CCDC88A: variants seen among roughly 807,000 people sequenced by gnomAD.
The protein encoded by CCDC88A is girdin.
CCDC88A carries 54 observed loss-of-function variants against 234.3 expected under a neutral mutation model. That is an observed-to-expected ratio of 0.23 (90% CI 0.19 to 0.29). The LOEUF (loss-of-function observed/expected upper bound fraction) is 0.29, where lower values mean the gene tolerates loss of function less well. Among genes scored for constraint, CCDC88A ranks in the 10% least tolerant of loss-of-function variants. The pLI is 1.00. For synonymous variants in CCDC88A, 753 were observed against 737.8 expected (o/e 1.02, Z -0.33); for missense variants, 1,832 against 2,123.4 (o/e 0.86, Z 2.70).
At chr2:55,336,340 T>C (rs1466910566) in intron 14 of CCDC88A, among the ~76,000 whole-genome samples, 3 of 152,170 alleles carry the variant, frequency 2.0e-5, no homozygotes, top group Admixed American at 6.6e-5. Context: ...TCTCCCTCTT[T>C]GGTAGGTCAG....
chr2:55,390,437 T>C (rs528517163), intron 2 of CCDC88A, among the ~76,000 whole-genome samples: 5 of 152,138 alleles, frequency 3.3e-5, no homozygotes, highest in African/African-American at 1.2e-4. Flanking sequence ...ACATTCTTAA[T>C]CCCCAACCTT....
chr2:55,303,916 A>C (rs1681208437), intron 25 of CCDC88A, among the ~76,000 whole-genome samples: 1 of 152,202 alleles, frequency 6.6e-6, no homozygotes, highest in African/African-American at 2.4e-5. Flanking sequence ...ATTTTGGAAA[A>C]CAAAAATAAC....
chr2:55,362,493 A>C, intron 6 of CCDC88A, 45 bp from the exon 7 acceptor site: 1 of 1,549,670 alleles, frequency 6.5e-7, no homozygotes, highest in Non-Finnish European at 8.7e-7. Context: ...AGTGGCTAAT[A>C]CTTAAAAATC....
chr2:55,299,850 T>C lies in CCDC88A; in HGVS notation c.4814A>G (p.His1605Arg). 1 of 1,609,244 alleles carries C rather than the reference T, an allele frequency of 6.2e-7. No homozygotes were observed. Among genetic ancestry groups the C allele is most frequent in the Non-Finnish European group, 8.5e-7 (1 of 1,175,698 alleles). The stretch of plus-strand genomic sequence containing the variant: ...TACCTACAGCATACCTTTGACTTCA[T>C]GTAGTGAAGCATTATTATTGCTATT... ...TSNSNNNASL[H>R]EVKAGAVNNQ... Residue 1605 changes from histidine to arginine, a missense_variant, in exon 29 of 33, where the codon CAT becomes CGT. His to Arg is a conservative substitution (Grantham distance 29). This residue lies in a region of CCDC88A where 422 missense variants were observed against 416.5 expected (regional missense o/e 1.01). Transcript: ENST00000436346.
rs1679409832 is a variant in CCDC88A at position 55,291,110 on chromosome 2, T to C, written c.*90A>G. ...ATGATTCCTATAGTTGCTAGGTGTC[T>C]TGTTACTTCAGAAATAAAGGCTTCA... On this transcript the variant is annotated 3_prime_UTR_variant, in exon 33 of 33. Coordinates refer to ENST00000436346, the MANE Select transcript of CCDC88A (RefSeq NM_001365480.1). The C allele has an allele frequency of 1.3e-5, 2 of 152,692 alleles. No homozygotes were observed. Among genetic ancestry groups the C allele is most frequent in the East Asian group, 3.9e-4 (2 of 5,188 alleles). 9.5% of individuals were successfully genotyped at this position (152,692 alleles called of 1,614,324 possible).
intron 2 of CCDC88A, among the ~76,000 whole-genome samples, chr2:55,414,984 G>A (rs2045134): frequency 0.81 from 122,836 of 150,806 alleles, 50,908 homozygotes; most frequent in Admixed American, 0.9. Context: ...GGAGAATGGC[G>A]TGAACCCGGG....
At chr2:55,383,241 C>A (rs573631015) in intron 3 of CCDC88A, among the ~76,000 whole-genome samples, 2 of 152,076 alleles carry the variant, frequency 1.3e-5, no homozygotes, top group African/African-American at 2.4e-5. Context: ...ACCAACCTAT[C>A]AAAAAAATTT....
At chr2:55,325,095 C>T (rs1053335852) in intron 17 of CCDC88A, among the ~76,000 whole-genome samples, 1 of 152,200 alleles carries the variant, frequency 6.6e-6, no homozygotes, top group Admixed American at 6.5e-5. Flanking sequence ...AGAATCATCT[C>T]GTTAATCTGC....
chr2:55,322,038 A>G (rs1200720406), intron 18 of CCDC88A, among the ~76,000 whole-genome samples: 3 of 151,990 alleles, frequency 2.0e-5, no homozygotes, highest in African/African-American at 7.3e-5. Flanking sequence ...CTTGTTGTTT[A>G]CTGTCAAGTA....
intron 2 of CCDC88A, among the ~76,000 whole-genome samples, chr2:55,391,141 T>C (rs1388621837): frequency 6.6e-6 from 1 of 152,162 alleles, no homozygotes; most frequent in Non-Finnish European, 1.5e-5. Flanking sequence ...TTCTGACAAG[T>C]AGAGTGGAGT....
intron 9 of CCDC88A, among the ~76,000 whole-genome samples, chr2:55,347,710 C>G (rs975852546): frequency 2.0e-5 from 3 of 149,206 alleles, no homozygotes; most frequent in African/African-American, 7.4e-5. Context: ...CTCCCAGGTT[C>G]AAGCGATTCT....
At chr2:55,333,346 T>C (rs1361706268) in intron 15 of CCDC88A, among the ~76,000 whole-genome samples, 1 of 152,182 alleles carries the variant, frequency 6.6e-6, no homozygotes, top group Non-Finnish European at 1.5e-5. Flanking sequence ...CTGACTTGCA[T>C]CAACCATGTT....
intron 2 of CCDC88A, chr2:55,405,710 A>G (rs1574492947): frequency 6.6e-6 from 1 of 152,154 alleles, no homozygotes; most frequent in African/African-American, 2.4e-5. Context: ...CACGAACCCT[A>G]TTGTGAACTG....
intron 7 of CCDC88A, among the ~76,000 whole-genome samples, chr2:55,360,292 A>C (rs899013855): frequency 2.6e-5 from 4 of 152,226 alleles, no homozygotes; most frequent in Non-Finnish European, 5.9e-5. Flanking sequence ...AAGCTAATCA[A>C]AACAAAAAAA....
chr2:55,419,074 C>T lies in CCDC88A; in HGVS notation c.6G>A (p.Glu2=). 6.2e-7 allele frequency: 1 copy of T among 1,608,042 alleles called. No homozygotes were observed. The highest frequency in any genetic ancestry group is 8.5e-7 in the Non-Finnish European group (1 of 1,174,518). ...CCAGAAGGGGAGTAAAAATTTCGTT[C>T]TCCATTTTACAGAGTATGTATTTGA... M[E]NEIFTPLLEQ... Residue 2 remains glutamate (E), a synonymous_variant, in exon 1 of 33, where the codon GAG becomes GAA. Transcript: ENST00000436346.
intron 2 of CCDC88A, among the ~76,000 whole-genome samples, chr2:55,413,945 G>A (rs149663927): frequency 1.3e-4 from 18 of 134,122 alleles, no homozygotes; most frequent in Admixed American, 5.9e-4. Flanking sequence ...GAACAAGACC[G>A]TCTCAAAAAA....
intron 7 of CCDC88A, among the ~76,000 whole-genome samples, chr2:55,360,685 G>A (rs1024940629): frequency 1.3e-5 from 2 of 152,180 alleles, no homozygotes; most frequent in African/African-American, 4.8e-5. Context: ...GTAATGATAA[G>A]TATTCTGTTC....
intron 1 of CCDC88A, 38 bp downstream of exon 1, chr2:55,418,979 A>T: frequency 6.3e-7 from 1 of 1,599,962 alleles, no homozygotes; most frequent in Non-Finnish European, 8.6e-7. Context: ...AGCCACAAAT[A>T]ACTCAGCAAA....
intron 12 of CCDC88A, 96 bp downstream of exon 12, chr2:55,343,552 A>G: frequency 1.1e-6 from 1 of 894,958 alleles, no homozygotes; most frequent in Admixed American, 2.8e-5. Flanking sequence ...TAGTCTTCTG[A>G]GATATCTCCC....
Sources: gnomAD v4.1 joint callset for allele counts (sites outside exome capture counted in the v4.1 genomes callset) on GRCh38, gnomAD v4.1.1 for gene constraint, gnomAD v4.1.1 regional missense constraint, MANE v1.5 for transcripts, NCBI Gene and HGNC (gene_info 2026-07-23, HGNC 2026-07-21) for gene names.